CLIP2: variants seen among roughly 807,000 people sequenced by gnomAD.
The protein encoded by CLIP2 is CAP-Gly domain-containing linker protein 2.
In CLIP2, 41 loss-of-function variants were observed where a neutral mutation model predicts 111.7. That is an observed-to-expected ratio of 0.37 (90% CI 0.29 to 0.48). The LOEUF is 0.48. Ranked by LOEUF, CLIP2 falls within the 20% of genes least tolerant of loss-of-function variation. The pLI, the probability that CLIP2 is intolerant of heterozygous loss-of-function variation, is 0.99. For missense variants in CLIP2, 1,160 were observed against 1,422.1 expected, an observed-to-expected ratio of 0.82 and a Z score of 2.96; for synonymous variants, 660 against 644.2, an observed-to-expected ratio of 1.02 and a Z score of -0.37.
rs1207389826 is a variant in CLIP2 at position 74,404,043 on chromosome 7, C to A, written c.*195C>A. The A allele has an allele frequency of 2.2e-5, 14 of 642,882 alleles. No homozygotes were observed. The highest frequency in any genetic ancestry group is 3.4e-5 in the Non-Finnish European group (12 of 355,696). 39.8% of individuals were successfully genotyped at this position (642,882 alleles called of 1,614,324 possible). ...GACCAGGACGCTTCCTCAAGCCCAG[C>A]CTTCTACAGAGAGTGTGAACGGTAC... On this transcript the variant is annotated 3_prime_UTR_variant, in exon 17 of 17. Transcript: ENST00000223398.
intron 3 of CLIP2, among the ~76,000 whole-genome samples, chr7:74,347,907 C>T (rs369888010): frequency 6.6e-5 from 10 of 152,086 alleles, no homozygotes; most frequent in Admixed American, 6.6e-4. Flanking sequence ...AGCCCAGGGG[C>T]GGGGGCTCAC....
intron 2 of CLIP2, among the ~76,000 whole-genome samples, chr7:74,336,874 T>G (rs797028824): frequency 2.2e-4 from 11 of 49,504 alleles, no homozygotes; most frequent in East Asian, 5.9e-4. Flanking sequence ...TTTTTTTTTT[T>G]GTTTTTTTTT....
At chr7:74,346,688 A>C (rs1789804211) in intron 3 of CLIP2, among the ~76,000 whole-genome samples, 1 of 139,746 alleles carries the variant, frequency 7.2e-6, no homozygotes, top group Non-Finnish European at 1.5e-5. Flanking sequence ...ACGCTGCTGC[A>C]CTCCAGCCTG....
At chr7:74,326,515 A>T (rs1554730676) in intron 2 of CLIP2, among the ~76,000 whole-genome samples, 2 of 152,140 alleles carry the variant, frequency 1.3e-5, no homozygotes. Flanking sequence ...GAGATTGAGG[A>T]CAAGTATGTG....
At position 74,332,142 on chromosome 7, in the gene CLIP2, C is replaced by T. The variant is rs139250476; in HGVS notation, c.122-6306C>T. Among the ~76,000 whole-genome samples, 873 of 151,402 alleles carry T rather than the reference C, an allele frequency of 5.8e-3. 8 individuals carry two copies. Among genetic ancestry groups the T allele is most frequent in the African/African-American group, 0.02 (807 of 41,244 alleles). On this transcript the variant is annotated intron_variant, in intron 2 of 16. Coordinates refer to ENST00000223398, the MANE Select transcript of CLIP2 (RefSeq NM_003388.5). ...AGGCTGGAGTGAAGTGATGCGATCT[C>T]GGCTCACTGCAACCTCCGCCCCCCA...
chr7:74,313,533 C>A (rs1788694259), intron 1 of CLIP2, among the ~76,000 whole-genome samples: 1 of 151,300 alleles, frequency 6.6e-6, no homozygotes, highest in Non-Finnish European at 1.5e-5. Context: ...GCACTCCAGC[C>A]TGGGCGACAG....
intron 3 of CLIP2, 87 bp from the exon 4 acceptor site, chr7:74,353,793 G>A: frequency 1.3e-6 from 2 of 1,581,234 alleles, no homozygotes; most frequent in Non-Finnish European, 1.7e-6. Context: ...GGAAGGGATG[G>A]ATGGGATAAG....
At chr7:74,302,956 A>G (rs1788378928) in intron 1 of CLIP2, among the ~76,000 whole-genome samples, 1 of 152,140 alleles carries the variant, frequency 6.6e-6, no homozygotes, top group Non-Finnish European at 1.5e-5. Flanking sequence ...ACTGCTGGCC[A>G]GCAGCTGTGT....
Position 74,356,617 on chromosome 7 carries a change from T to C in CLIP2, c.1011T>C (p.Ser337=). 1.2e-6 allele frequency: 2 copies of C among 1,612,846 alleles called. No individual in the cohort carries two copies. Among genetic ancestry groups the C allele is most frequent in the Non-Finnish European group, 1.7e-6 (2 of 1,179,482 alleles). ...ASSVGGRPSR[S]GLLTETSSRY... Reference sequence around the variant, plus strand: ...CCGTGGGGGGTCGGCCCAGCCGCAGTGGCCTGGTGAGGGTGGGGCTGCAGA... The same window carrying C: ...CCGTGGGGGGTCGGCCCAGCCGCAGCGGCCTGGTGAGGGTGGGGCTGCAGA... The change falls in exon 5 of 17, where the codon AGT becomes AGC. Residue 337 remains serine, a synonymous_variant. Transcript: ENST00000223398.
chr7:74,310,717 T>G (rs1212899262), intron 1 of CLIP2, among the ~76,000 whole-genome samples: 55 of 143,272 alleles, frequency 3.8e-4, no homozygotes, highest in African/African-American at 1.4e-3. Flanking sequence ...TTTAACTTTC[T>G]TTTTTTTTTT....
intron 8 of CLIP2, among the ~76,000 whole-genome samples, chr7:74,366,443 C>T (rs1473338579): frequency 6.6e-6 from 1 of 152,222 alleles, no homozygotes; most frequent in Non-Finnish European, 1.5e-5. Context: ...GCTCCCTGTA[C>T]CATGCCCATT....
At chr7:74,361,264 C>T (rs1291166803) in intron 7 of CLIP2, among the ~76,000 whole-genome samples, 1 of 140,602 alleles carries the variant, frequency 7.1e-6, no homozygotes, top group Non-Finnish European at 1.5e-5. Context: ...GTTGCCCAGG[C>T]TGGAGTACAA....
intron 8 of CLIP2, among the ~76,000 whole-genome samples, chr7:74,370,250 A>C (rs568503983): frequency 8.6e-5 from 13 of 150,582 alleles, no homozygotes; most frequent in South Asian, 2.1e-4. Context: ...AGGTCAGGGG[A>C]TCGAAACCAT....
intron 8 of CLIP2, chr7:74,364,939 G>A (rs1229866850): frequency 1.6e-5 from 7 of 447,446 alleles, no homozygotes; most frequent in East Asian, 1.4e-4. Flanking sequence ...CTAGAGGATC[G>A]CTTGAATCTG....
chr7:74,306,113 C>T (rs1156830664), intron 1 of CLIP2, among the ~76,000 whole-genome samples: 7 of 152,068 alleles, frequency 4.6e-5, no homozygotes, highest in African/African-American at 1.4e-4. Context: ...GTTTCCTTTG[C>T]GGGATCCCAG....
chr7:74,361,577 G>A lies in CLIP2; in HGVS notation c.1319+1299G>A, dbSNP rs539680315. Among the ~76,000 whole-genome samples the A allele has an allele frequency of 2.0e-3, 310 of 152,192 alleles. 1 individual carries two copies. Among genetic ancestry groups the A allele is most frequent in the African/African-American group, 7.2e-3 (300 of 41,530 alleles). ...GTGTCACCCAGGCTGGAGTGCAGTGGTTTGGCCATGGCTCACTGCAGCCTC... is the reference window on the plus strand; with the variant it reads ...GTGTCACCCAGGCTGGAGTGCAGTGATTTGGCCATGGCTCACTGCAGCCTC... On this transcript the variant is annotated intron_variant, in intron 7 of 16. Coordinates refer to ENST00000223398, the MANE Select transcript of CLIP2 (RefSeq NM_003388.5).
intron 13 of CLIP2, among the ~76,000 whole-genome samples, chr7:74,393,131 G>C (rs936496591): frequency 2.0e-5 from 3 of 151,188 alleles, no homozygotes; most frequent in Non-Finnish European, 4.4e-5. Context: ...CACCTTCTGG[G>C]TTCAAGCGAT....
chr7:74,353,482 C>T (rs1790068406), intron 3 of CLIP2, among the ~76,000 whole-genome samples: 1 of 152,140 alleles, frequency 6.6e-6, no homozygotes, highest in Non-Finnish European at 1.5e-5. Context: ...AACTCCTGAC[C>T]TCAGGTGATC....
At position 74,338,740 on chromosome 7, in the gene CLIP2, C is replaced by T. The variant is rs1438545290; in HGVS notation, c.414C>T (p.Ile138=). 1.3e-6 allele frequency: 2 copies of T among 1,598,588 alleles called. No individual in the cohort carries two copies. Among genetic ancestry groups the T allele is most frequent in the Non-Finnish European group, 1.7e-6 (2 of 1,175,116 alleles). The change falls in exon 3 of 17, where the codon ATC becomes ATT. Residue 138 remains isoleucine, a synonymous_variant. Transcript: ENST00000223398. This position sits in a 1 kb window ranked among gnomAD's most constrained non-coding sequence, Gnocchi z 4.3. The part of the protein sequence containing the change: ...RYFECPALQG[I]FTRPSKLTRQ... ...TCGAGTGCCCGGCCCTCCAGGGTATCTTCACGCGGCCCTCCAAGCTGACCC... is the reference window on the plus strand; with the variant it reads ...TCGAGTGCCCGGCCCTCCAGGGTATTTTCACGCGGCCCTCCAAGCTGACCC...
Sources: gnomAD v4.1 joint callset for allele counts (sites outside exome capture counted in the v4.1 genomes callset) on GRCh38, gnomAD v4.1.1 for gene constraint, Gnocchi (gnomAD v3.1) non-coding constraint, MANE v1.5 for transcripts, NCBI Gene and HGNC (gene_info 2026-07-23, HGNC 2026-07-21) for gene names.